Variants in CYRIB observed in about 807,000 individuals in gnomAD.
The protein encoded by CYRIB is CYFIP related Rac1 interactor B.
In CYRIB, 8 loss-of-function variants were observed where a neutral mutation model predicts 44.2. The ratio of observed to expected loss-of-function variants is 0.18; its 90% CI spans 0.11 to 0.33. The LOEUF (loss-of-function observed/expected upper bound fraction) is 0.33. Among genes scored for constraint, CYRIB ranks in the 10% least tolerant of loss-of-function variants. The pLI is 1.00. For synonymous variants in CYRIB, 131 were observed against 127.2 expected (o/e 1.03, Z -0.20); for missense variants, 185 against 382.8 (o/e 0.48, Z 4.31).
At chr8:130,008,483 T>C (rs4733757) in intron 1 of CYRIB, 88,982 of 154,144 alleles carry the variant, frequency 0.58, 27,968 homozygotes, top group African/African-American at 0.85. Context: ...CTCCAAGCTG[T>C]TCAGGCCTCA....
chr8:129,856,227 CTGTT>C (rs1205179073), intron 5 of CYRIB, among the ~76,000 whole-genome samples: 1 of 152,168 alleles, frequency 6.6e-6, no homozygotes, highest in African/African-American at 2.4e-5. Flanking sequence ...TAACCACAAA[CTGTT>C]TGCTTTCAGC....
At chr8:129,878,656 A>G (rs1486471145) in intron 3 of CYRIB, among the ~76,000 whole-genome samples, 1 of 152,192 alleles carries the variant, frequency 6.6e-6, no homozygotes. Context: ...AGCTAAAGCG[A>G]TATCAACAGC....
rs1454642764 is a variant in CYRIB, at chr8:129,850,012, A to G, written c.714-643T>C. 2.6e-5 allele frequency: 4 copies of G among 152,258 alleles called. 1 individual carries two copies. The South Asian group carries it at 6.2e-4, about 24-fold the overall frequency. 9.4% of individuals were successfully genotyped at this position (152,258 alleles called of 1,614,324 possible). A position where few individuals can be genotyped will look rare whatever the true frequency, so the allele number is the denominator to read the frequency against. On this transcript the variant is annotated intron_variant, in intron 9 of 11. Transcript: ENST00000519824. ...TATAGAAGGCAGTATATCATAGCGG[A>G]AAGAGTACGGAACCAGGATAGAGAC...
rs538016098 is a variant in CYRIB at position 129,863,688 on chromosome 8, T to C, written c.196-1354A>G. ...AAGGGAAGAAAATATAATCTAGAGATCCTTAATATAAATGACTTCTTCTAT... is the reference window on the plus strand; with the variant it reads ...AAGGGAAGAAAATATAATCTAGAGACCCTTAATATAAATGACTTCTTCTAT... On this transcript the variant is annotated intron_variant, in intron 4 of 11. Transcript: ENST00000519824. Among the ~76,000 whole-genome samples the C allele has an allele frequency of 2.0e-5, 3 of 152,122 alleles. No individual in the cohort carries two copies. The South Asian group carries it at 6.2e-4, about 32-fold the overall frequency.
intron 1 of CYRIB, among the ~76,000 whole-genome samples, chr8:129,995,084 C>T (rs1464152088): frequency 6.6e-6 from 1 of 152,222 alleles, no homozygotes; most frequent in East Asian, 1.9e-4. Flanking sequence ...GAGGGTTCCC[C>T]CAACCAGGAA....
intron 2 of CYRIB, among the ~76,000 whole-genome samples, chr8:129,884,059 G>A (rs748591491): frequency 5.3e-5 from 8 of 152,130 alleles, no homozygotes; most frequent in Admixed American, 4.6e-4. Flanking sequence ...TACAGTGCAA[G>A]GTCTCAAAGA....
intron 2 of CYRIB, chr8:129,890,461 T>C (rs904940363): frequency 3.3e-5 from 5 of 152,216 alleles, no homozygotes; most frequent in African/African-American, 1.2e-4. Flanking sequence ...TATTTTTAAA[T>C]TAAGGTATAT....
At chr8:129,889,930 C>T (rs749254630) in intron 2 of CYRIB, among the ~76,000 whole-genome samples, 4 of 152,058 alleles carry the variant, frequency 2.6e-5, no homozygotes, top group Non-Finnish European at 5.9e-5. Flanking sequence ...CAAGCCATCA[C>T]AGCCAGCTGA....
upstream of CYRIB, among the ~76,000 whole-genome samples, chr8:129,941,401 G>A (rs1394379953): frequency 6.6e-6 from 1 of 150,390 alleles, no homozygotes; most frequent in Non-Finnish European, 1.5e-5. Flanking sequence ...AGCCTCCCAA[G>A]TAGCTGGGAT....
intron 1 of CYRIB, among the ~76,000 whole-genome samples, chr8:129,935,459 C>T (rs2092627577): frequency 6.6e-6 from 1 of 152,148 alleles, no homozygotes; most frequent in South Asian, 2.1e-4. Flanking sequence ...ATGCACAATT[C>T]ACAACAAGGT....
intron 2 of CYRIB, among the ~76,000 whole-genome samples, chr8:129,945,330 C>G (rs932069487): frequency 1.3e-5 from 2 of 152,190 alleles, no homozygotes; most frequent in African/African-American, 4.8e-5. Flanking sequence ...GAGCTGAAAC[C>G]ATGTCTATGC....
intron 8 of CYRIB, 120 bp from the exon 11 acceptor site, chr8:129,851,034 A>G (rs937983333): frequency 3.1e-6 from 2 of 652,556 alleles, no homozygotes; most frequent in African/African-American, 3.7e-5. Flanking sequence ...CCTACTCCTA[A>G]TTTTCTAAAT....
At chr8:129,902,312 G>T (rs2072634462) in intron 2 of CYRIB, among the ~76,000 whole-genome samples, 1 of 152,056 alleles carries the variant, frequency 6.6e-6, no homozygotes, top group Non-Finnish European at 1.5e-5. Context: ...TCCACCTCCT[G>T]GGTTCAAGCA....
chr8:130,009,276 T>C (rs2097169963), intron 1 of CYRIB, among the ~76,000 whole-genome samples: 1 of 151,872 alleles, frequency 6.6e-6, no homozygotes, highest in Non-Finnish European at 1.5e-5. Flanking sequence ...CATCTTTTTT[T>C]TTTTTTTTGA....
chr8:129,898,199 T>A (rs1017810384), intron 2 of CYRIB, among the ~76,000 whole-genome samples: 2 of 152,122 alleles, frequency 1.3e-5, no homozygotes, highest in African/African-American at 4.8e-5. Flanking sequence ...TAACTTCTGT[T>A]TCCAAAGCAC....
intron 4 of CYRIB, among the ~76,000 whole-genome samples, chr8:129,869,417 T>C (rs554727918): frequency 1.4e-5 from 2 of 143,160 alleles, no homozygotes; most frequent in Non-Finnish European, 3.0e-5. Context: ...AAACAGGTAA[T>C]GAATAGTGTT....
In CYRIB at chr8:130,006,629, C is replaced by CACAT. The variant is rs1289520460; in HGVS notation, c.-296+9740_-296+9741insATGT. Among the ~76,000 whole-genome samples the CACAT allele has an allele frequency of 5.2e-4, 12 of 23,158 alleles. 1 individual carries two copies. The African/African-American group carries it at 6.4e-3, about 12-fold the overall frequency. 15.2% of individuals were successfully genotyped at this position (23,158 alleles called of 152,430 possible). ...ATACATATATATGTGTATATATATA[C>CACAT]ATATATATGTGTATATATATACATA... is the stretch of plus-strand genomic sequence containing the variant. On this transcript the variant is annotated intron_variant, in intron 1 of 14. Coordinates refer to the CYRIB transcript ENST00000401979.
intron 1 of CYRIB, among the ~76,000 whole-genome samples, chr8:129,922,209 T>C (rs936100028): frequency 1.3e-5 from 2 of 152,206 alleles, no homozygotes; most frequent in African/African-American, 4.8e-5. Flanking sequence ...CTACCTGTCA[T>C]CATCCCAACA....
At chr8:129,954,499 G>C (rs1052173503) in intron 2 of CYRIB, among the ~76,000 whole-genome samples, 5 of 148,448 alleles carry the variant, frequency 3.4e-5, no homozygotes, top group Non-Finnish European at 5.9e-5. Flanking sequence ...CTGGGATTAC[G>C]TGCTTGAGCC....
Sources: allele counts gnomAD v4.1 joint callset (sites outside exome capture counted in the v4.1 genomes callset), GRCh38; gene constraint gnomAD v4.1.1; transcripts MANE v1.5; gene names NCBI Gene and HGNC (gene_info 2026-07-23, HGNC 2026-07-21).